The following KCNMA1 variants were observed in gnomAD, a reference collection of about 807,000 sequenced individuals.
KCNMA1 encodes potassium calcium-activated channel subfamily M alpha 1.
A neutral mutation model predicts 140.0 loss-of-function variants in KCNMA1; 29 were observed. The observed-to-expected ratio is 0.21, with a 90% confidence interval of 0.15 to 0.28. The LOEUF is 0.28. Among genes scored for constraint, KCNMA1 ranks in the 10% least tolerant of loss-of-function variants. KCNMA1 has a pLI of 1.00. For missense variants in KCNMA1, 880 were observed against 1,602.2 expected (o/e 0.55, Z 7.70); for synonymous variants, 612 against 611.9 (o/e 1.00, Z 0.00).
chr10:77,464,266 C>T (rs2097934884), intron 1 of KCNMA1, among the ~76,000 whole-genome samples: 1 of 152,134 alleles, frequency 6.6e-6, no homozygotes, highest in Non-Finnish European at 1.5e-5. Context: ...TCAGACCCTT[C>T]ATCTGCAGGC....
rs183459348 is a variant in KCNMA1, at chr10:77,259,423, A to G, written c.541-8167T>C. Among the ~76,000 whole-genome samples the G allele has an allele frequency of 6.5e-3, 988 of 150,878 alleles. 10 individuals are homozygous for G. The highest frequency in any genetic ancestry group is 0.023 in the African/African-American group (925 of 40,164). ...TCTGTGTGCAATGGACTGAATTCTT[A>G]GGACACACATGTAAATCGGAGAGAA... is the stretch of plus-strand genomic sequence containing the variant. On this transcript the variant is annotated intron_variant, in intron 2 of 27. Coordinates refer to ENST00000286628, the MANE Select transcript of KCNMA1 (RefSeq NM_001161352.2).
Position 77,424,587 on chromosome 10 carries a change from C to CAA in KCNMA1, c.379-20566_379-20565dup, listed in dbSNP as rs55637591. On this transcript the variant is annotated intron_variant, in intron 1 of 27. Coordinates refer to ENST00000286628, the MANE Select transcript of KCNMA1 (RefSeq NM_001161352.2). ...GGATTACTCACAACAGGTTCTCAGA[C>CAA]AAAAAAAAAAATACAATCTCTCCTT... 6.6e-4 allele frequency among the ~76,000 whole-genome samples: 95 copies of CAA among 144,156 alleles called. 1 individual carries two copies. The South Asian group carries it at 7.6e-3, about 12-fold the overall frequency. 94.6% of individuals were successfully genotyped at this position (144,156 alleles called of 152,430 possible). A position where few individuals can be genotyped will look rare whatever the true frequency, so the allele number is the denominator to read the frequency against.
chr10:77,340,452 G>A (rs909623578), intron 2 of KCNMA1, among the ~76,000 whole-genome samples: 2 of 152,100 alleles, frequency 1.3e-5, no homozygotes, highest in African/African-American at 4.8e-5. Flanking sequence ...GCACGGACTT[G>A]GAACCAACCC....
At chr10:77,015,904 T>C (rs1306264606) in intron 17 of KCNMA1, among the ~76,000 whole-genome samples, 1 of 152,118 alleles carries the variant, frequency 6.6e-6, no homozygotes, top group African/African-American at 2.4e-5. Flanking sequence ...AACTATGCAA[T>C]AGGCGCTGAG....
chr10:76,949,088 T>C, intron 22 of KCNMA1, 54 bp downstream of exon 22: 5 of 1,348,404 alleles, frequency 3.7e-6, no homozygotes, highest in Non-Finnish European at 5.3e-6. Context: ...ATCCGGGATT[T>C]TCTTTTGTGA....
At chr10:77,602,944 G>GATAC (rs2083139281) in intron 1 of KCNMA1, among the ~76,000 whole-genome samples, 1 of 152,222 alleles carries the variant, frequency 6.6e-6, no homozygotes. Flanking sequence ...ATGGGGAAGG[G>GATAC]TATGAAACAA....
intron 13 of KCNMA1, among the ~76,000 whole-genome samples, chr10:77,074,247 G>A (rs1411625511): frequency 6.6e-6 from 1 of 152,154 alleles, no homozygotes; most frequent in Admixed American, 6.5e-5. Flanking sequence ...CAAATTTTAG[G>A]CTAGCCATGT....
intron 1 of KCNMA1, among the ~76,000 whole-genome samples, chr10:77,435,078 G>A (rs1372248218): frequency 6.6e-6 from 1 of 151,906 alleles, no homozygotes; most frequent in Non-Finnish European, 1.5e-5. Context: ...GGGACTACAG[G>A]CATGTGCTAC....
intron 12 of KCNMA1, 91 bp from the exon 13 acceptor site, chr10:77,079,641 C>T (rs2096511785): frequency 2.3e-6 from 2 of 888,698 alleles, no homozygotes; most frequent in Admixed American, 3.6e-5. Flanking sequence ...AATGGGGTAC[C>T]CATGGGACTG....
intron 1 of KCNMA1, among the ~76,000 whole-genome samples, chr10:77,567,735 G>A (rs945124012): frequency 6.6e-6 from 1 of 152,138 alleles, no homozygotes; most frequent in African/African-American, 2.4e-5. Flanking sequence ...TCTGAGCTAG[G>A]GCACCCTTTC....
chr10:77,469,432 T>C (rs1484619965), intron 1 of KCNMA1, among the ~76,000 whole-genome samples: 2 of 152,168 alleles, frequency 1.3e-5, no homozygotes, highest in East Asian at 1.9e-4. Context: ...GAACTGTGTC[T>C]CCTCAAGAAA....
chr10:77,156,867 T>C (rs1427252935), intron 5 of KCNMA1, among the ~76,000 whole-genome samples: 1 of 152,086 alleles, frequency 6.6e-6, no homozygotes, highest in African/African-American at 2.4e-5. Flanking sequence ...GTGGACTGTT[T>C]TCCATACGCT....
chr10:77,025,337 CAT>C, intron 16 of KCNMA1: 2 of 657,072 alleles, frequency 3.0e-6, no homozygotes, highest in Non-Finnish European at 5.2e-6. Context: ...ATTATATATA[CAT>C]ATATATAATC....
intron 1 of KCNMA1, chr10:77,493,734 G>A (rs2040786496): frequency 6.6e-6 from 1 of 152,232 alleles, no homozygotes; most frequent in Non-Finnish European, 1.5e-5. Context: ...GTGGCTCATG[G>A]TCATAGCCGA....
chr10:76,902,487 C>T (rs2045917969), intron 25 of KCNMA1: 1 of 151,854 alleles, frequency 6.6e-6, no homozygotes, highest in African/African-American at 2.4e-5. Context: ...TTCTCAATAT[C>T]TATCCTTGCG....
intron 1 of KCNMA1, among the ~76,000 whole-genome samples, chr10:77,460,021 T>C (rs1222915498): frequency 1.3e-5 from 2 of 152,218 alleles, no homozygotes; most frequent in Admixed American, 1.3e-4. Flanking sequence ...TCACACAGAC[T>C]CTCACAACCT....
At chr10:77,481,743 G>A (rs1250096684) in intron 1 of KCNMA1, among the ~76,000 whole-genome samples, 1 of 145,080 alleles carries the variant, frequency 6.9e-6, no homozygotes, top group Non-Finnish European at 1.5e-5. Flanking sequence ...CCACTGCACT[G>A]TAGCCTGGGC....
At chr10:77,046,081 C>T (rs889329627) in intron 14 of KCNMA1, among the ~76,000 whole-genome samples, 6 of 152,154 alleles carry the variant, frequency 3.9e-5, no homozygotes, top group African/African-American at 1.4e-4. Flanking sequence ...AACATATACA[C>T]ACTAACACTG....
intron 5 of KCNMA1, among the ~76,000 whole-genome samples, chr10:77,175,856 A>G (rs2098747790): frequency 6.6e-6 from 1 of 152,200 alleles, no homozygotes; most frequent in Non-Finnish European, 1.5e-5. Flanking sequence ...AGGGCTGTGC[A>G]TATGGGGATG....
Sources: gnomAD v4.1 joint callset for allele counts (sites outside exome capture counted in the v4.1 genomes callset) on GRCh38, gnomAD v4.1.1 for gene constraint, MANE v1.5 for transcripts, NCBI Gene and HGNC (gene_info 2026-07-23, HGNC 2026-07-21) for gene names.